Variants in SLC25A48 observed in about 807,000 individuals in gnomAD.
SLC25A48 encodes CTC-321K16.1.
SLC25A48 carries 29 observed loss-of-function variants against 32.2 expected under a neutral mutation model. The observed-to-expected ratio is 0.90, with a 90% CI of 0.67 to 1.23. The LOEUF is 1.23. SLC25A48 is among the 50% of genes most tolerant of loss of function. The pLI, the probability that SLC25A48 is intolerant of heterozygous loss-of-function variation, is 0.00. For synonymous variants in SLC25A48, 164 were observed against 172.3 expected, an observed-to-expected ratio of 0.95 and a Z score of 0.38; for missense variants, 399 against 422.7, an observed-to-expected ratio of 0.94 and a Z score of 0.49.
chr5:135,580,749 T>C (rs905387017), intron 1 of SLC25A48, among the ~76,000 whole-genome samples: 1 of 152,054 alleles, frequency 6.6e-6, no homozygotes, highest in Non-Finnish European at 1.5e-5. Context: ...AGAAGAAAAC[T>C]AACATTTTCA....
At chr5:135,639,711 C>T (rs935996917) in intron 3 of SLC25A48, among the ~76,000 whole-genome samples, 2 of 151,924 alleles carry the variant, frequency 1.3e-5, no homozygotes, top group Non-Finnish European at 2.9e-5. Context: ...AAGTTCATAC[C>T]CTGAGACTAA....
intron 3 of SLC25A48, among the ~76,000 whole-genome samples, chr5:135,748,821 C>T (rs1294215330): frequency 4.0e-5 from 6 of 150,792 alleles, no homozygotes; most frequent in Admixed American, 1.3e-4. Context: ...CAGGTTCAAG[C>T]GATTCCCCTG....
intron 1 of SLC25A48, among the ~76,000 whole-genome samples, chr5:135,615,415 G>T (rs186492537): frequency 6.6e-6 from 1 of 152,296 alleles, no homozygotes; most frequent in East Asian, 1.9e-4. Context: ...GAGGTTGGTG[G>T]CATTGTGCTC....
At chr5:135,598,015 CA>C (rs1561751632) in intron 1 of SLC25A48, among the ~76,000 whole-genome samples, 1 of 59,488 alleles carries the variant, frequency 1.7e-5, no homozygotes, top group East Asian at 5.6e-4. Flanking sequence ...AAAAAAAAAT[CA>C]AACCAAAAAA....
chr5:135,817,914 A>C (rs1368493547), intron 4 of SLC25A48, among the ~76,000 whole-genome samples: 1 of 152,148 alleles, frequency 6.6e-6, no homozygotes, highest in Non-Finnish European at 1.5e-5. Context: ...CTATACCAAA[A>C]ACTCTATACA....
chr5:135,785,631 A>T (rs2126626744), intron 3 of SLC25A48, among the ~76,000 whole-genome samples: 1 of 148,732 alleles, frequency 6.7e-6, no homozygotes, highest in South Asian at 2.1e-4. Flanking sequence ...TGTAATATCC[A>T]GGAAAAGAGA....
chr5:135,628,025 C>T (rs2126904507), intron 1 of SLC25A48, among the ~76,000 whole-genome samples: 1 of 152,246 alleles, frequency 6.6e-6, no homozygotes, highest in African/African-American at 2.4e-5. Flanking sequence ...ATGTGAGGCA[C>T]CACCTGAGGA....
intron 4 of SLC25A48, among the ~76,000 whole-genome samples, chr5:135,871,110 C>G (rs1208007766): frequency 7.0e-5 from 9 of 128,248 alleles, no homozygotes; most frequent in Non-Finnish European, 1.3e-4. Flanking sequence ...CACACACACA[C>G]AGCATGTTGG....
chr5:135,832,728 A>G (rs1489721659), upstream of SLC25A48, among the ~76,000 whole-genome samples: 1 of 152,176 alleles, frequency 6.6e-6, no homozygotes, highest in African/African-American at 2.4e-5. Context: ...GTAAATAAGA[A>G]ATGGGGAGTG....
chr5:135,589,247 T>G (rs1035223795), intron 1 of SLC25A48, among the ~76,000 whole-genome samples: 7 of 152,196 alleles, frequency 4.6e-5, no homozygotes, highest in Non-Finnish European at 8.8e-5. Flanking sequence ...GCTAAATGAT[T>G]TTAAATTTGG....
chr5:135,829,409 C>T (rs1175140985), intron 4 of SLC25A48, among the ~76,000 whole-genome samples: 1 of 152,092 alleles, frequency 6.6e-6, no homozygotes, highest in Non-Finnish European at 1.5e-5. Context: ...GCAGAGCCAG[C>T]CTCAACCCGC....
Position 135,888,427 on chromosome 5 carries a change from C to A in SLC25A48, c.*403C>A, listed in dbSNP as rs747099379. ...CCACTCCCTCCAGTCTCAAGTAACA[C>A]GTCCCCGTGCCTCCAGTCTCCTCTC... On this transcript the variant is annotated 3_prime_UTR_variant, in exon 8 of 8. Transcript: ENST00000681962. The A allele has an allele frequency of 8.6e-6, 2 of 233,704 alleles. No individual in the cohort carries two copies. The highest frequency in any genetic ancestry group is 2.2e-5 in the African/African-American group (1 of 45,364). The allele number at this position is 233,704 out of a possible 1,614,324, so 14.5% of individuals were successfully genotyped here.
At chr5:135,661,412 A>G (rs1753394076) in intron 3 of SLC25A48, among the ~76,000 whole-genome samples, 1 of 152,178 alleles carries the variant, frequency 6.6e-6, no homozygotes, top group East Asian at 1.9e-4. Flanking sequence ...ATGCTCCTTT[A>G]TGGAGTCTTT....
chr5:135,583,751 A>G (rs1002952739), intron 1 of SLC25A48, among the ~76,000 whole-genome samples: 25 of 152,082 alleles, frequency 1.6e-4, no homozygotes, highest in African/African-American at 6.0e-4. Context: ...GGTCACCCCA[A>G]AATACCTGCT....
rs1757635393 is a variant in SLC25A48, at chr5:135,813,276, A to G, written c.-117+350A>G. ...AGTGATGGGATGAAGTCAGAATTTTAGAGAAAGAAGCCTGGTAGCAGCGTG... is the reference window on the plus strand; with the variant it reads ...AGTGATGGGATGAAGTCAGAATTTTGGAGAAAGAAGCCTGGTAGCAGCGTG... On this transcript the variant is annotated intron_variant, in intron 4 of 10. Coordinates refer to the SLC25A48 transcript ENST00000646290. Among the ~76,000 whole-genome samples, 4 of 152,348 alleles carry G rather than the reference A, an allele frequency of 2.6e-5. No individual in the cohort carries two copies. The Middle Eastern group carries it at 0.01, about 389-fold the overall frequency.
chr5:135,786,451 G>T (rs1580877702), intron 3 of SLC25A48, among the ~76,000 whole-genome samples: 1 of 151,914 alleles, frequency 6.6e-6, no homozygotes, highest in East Asian at 1.9e-4. Flanking sequence ...GTCATAAGGG[G>T]ATATTACATG....
intron 7 of SLC25A48, chr5:135,883,577 G>C (rs1581073752): frequency 4.3e-6 from 3 of 698,394 alleles, no homozygotes; most frequent in Non-Finnish European, 5.3e-6. Flanking sequence ...CCTCCACACA[G>C]GTGAGGAGAG....
At chr5:135,770,713 A>G (rs1756385572) in intron 3 of SLC25A48, among the ~76,000 whole-genome samples, 1 of 151,660 alleles carries the variant, frequency 6.6e-6, no homozygotes, top group Non-Finnish European at 1.5e-5. Flanking sequence ...GTTGCTCCAA[A>G]TATCAAAGAG....
At position 135,871,705 on chromosome 5, in the gene SLC25A48, G is replaced by A. The variant is rs371375863; in HGVS notation, c.666G>A (p.Ala222=). The change falls in exon 5 of 8, where the codon GCG becomes GCA. Residue 222 remains alanine (A), a synonymous_variant. Coordinates refer to ENST00000681962, the MANE Select transcript of SLC25A48 (RefSeq NM_001349336.2). ...TGPSPCAVWL[A]GGMAGAISWG... ...CCAGCCCCTGTGCCGTGTGGCTGGC[G>A]GGCGGCATGGCAGGTAAGGGCAGCA... 76 of 1,613,524 alleles carry A rather than the reference G, an allele frequency of 4.7e-5. No homozygotes were observed. The African/African-American group carries it at 5.3e-4, about 11-fold the overall frequency.
Sources: allele counts gnomAD v4.1 joint callset (sites outside exome capture counted in the v4.1 genomes callset), GRCh38; gene constraint gnomAD v4.1.1; transcripts MANE v1.5; gene names NCBI Gene and HGNC (gene_info 2026-07-23, HGNC 2026-07-21).